The following GPC5 variants were observed in gnomAD, a reference collection of about 807,000 sequenced individuals.
GPC5 encodes glypican-5.
Under a neutral mutation model 53.9 loss-of-function variants are expected in GPC5, and 47 were observed. The observed-to-expected ratio is 0.87, with a 90% CI of 0.69 to 1.11. The LOEUF (loss-of-function observed/expected upper bound fraction) is 1.11. GPC5 is among the 50% of genes most tolerant of loss of function. The pLI is 0.00. For synonymous variants in GPC5, 286 were observed against 263.3 expected, an observed-to-expected ratio of 1.09 and a Z score of -0.84; for missense variants, 748 against 713.1, an observed-to-expected ratio of 1.05 and a Z score of -0.56.
intron 2 of GPC5, among the ~76,000 whole-genome samples, chr13:91,692,479 TA>T (rs1218039251): frequency 6.6e-6 from 1 of 152,176 alleles, no homozygotes; most frequent in Non-Finnish European, 1.5e-5. Context: ...ATTATAAAAA[TA>T]TAGCAGGTGG....
At chr13:92,613,396 TATA>T (rs1884530187) in intron 7 of GPC5, among the ~76,000 whole-genome samples, 1 of 70,632 alleles carries the variant, frequency 1.4e-5, no homozygotes, top group Non-Finnish European at 2.5e-5. Flanking sequence ...TATATATAAA[TATA>T]TATTATATTA....
At chr13:91,615,998 A>G (rs1419734459) in intron 2 of GPC5, among the ~76,000 whole-genome samples, 1 of 152,182 alleles carries the variant, frequency 6.6e-6, no homozygotes, top group Non-Finnish European at 1.5e-5. Flanking sequence ...CCAAGAGAGA[A>G]TTGATTGAAA....
At chr13:91,522,741 C>T (rs1401308670) in intron 2 of GPC5, among the ~76,000 whole-genome samples, 6 of 152,116 alleles carry the variant, frequency 3.9e-5, no homozygotes, top group Non-Finnish European at 7.4e-5. Context: ...GTTCAATTTC[C>T]GCCTATGAGT....
intron 7 of GPC5, among the ~76,000 whole-genome samples, chr13:92,161,694 C>A (rs28491123): frequency 0.05 from 7,641 of 151,536 alleles, 459 homozygotes; most frequent in African/African-American, 0.14. Flanking sequence ...TGTAATTTTG[C>A]GTGAAAATTA....
intron 2 of GPC5, among the ~76,000 whole-genome samples, chr13:91,566,757 A>G (rs1022467659): frequency 4.6e-5 from 7 of 152,160 alleles, no homozygotes; most frequent in African/African-American, 1.7e-4. Context: ...TCACTTTAGT[A>G]AAAGGAAAAG....
chr13:91,824,496 G>C lies in GPC5; in HGVS notation c.1280+68076G>C, dbSNP rs182310265. ...AGTGAAATGTGAAAGGCAGATTAAAGTTCCAGTACTGGCTGAGATAATTAA... is the reference window on the plus strand; with the variant it reads ...AGTGAAATGTGAAAGGCAGATTAAACTTCCAGTACTGGCTGAGATAATTAA... On this transcript the variant is annotated intron_variant, in intron 5 of 7. Transcript: ENST00000377067. 3.5e-3 allele frequency among the ~76,000 whole-genome samples: 527 copies of C among 152,190 alleles called. 2 individuals are homozygous for C. The highest frequency in any genetic ancestry group is 0.012 in the African/African-American group (503 of 41,574).
chr13:91,413,615 C>T (rs977307022), intron 1 of GPC5, among the ~76,000 whole-genome samples: 1 of 152,202 alleles, frequency 6.6e-6, no homozygotes, highest in African/African-American at 2.4e-5. Flanking sequence ...GAGATGAAGG[C>T]CTTGCCATCC....
intron 6 of GPC5, among the ~76,000 whole-genome samples, chr13:91,999,870 C>G (rs765640072): frequency 6.6e-6 from 1 of 152,132 alleles, no homozygotes; most frequent in African/African-American, 2.4e-5. Context: ...CTTTCTGCAT[C>G]TGCAGATAAG....
chr13:91,547,053 T>G (rs1419694877), intron 2 of GPC5, among the ~76,000 whole-genome samples: 1 of 152,074 alleles, frequency 6.6e-6, no homozygotes, highest in Non-Finnish European at 1.5e-5. Context: ...GAATCATAGG[T>G]TCTACATTGA....
At chr13:92,852,670 A>G (rs1235155458) in intron 7 of GPC5, among the ~76,000 whole-genome samples, 1 of 152,120 alleles carries the variant, frequency 6.6e-6, no homozygotes. Context: ...TCCAGGCCTC[A>G]AGTGATCTTC....
At chr13:92,086,475 T>A (rs1030949651) in intron 6 of GPC5, among the ~76,000 whole-genome samples, 1 of 152,224 alleles carries the variant, frequency 6.6e-6, no homozygotes, top group Non-Finnish European at 1.5e-5. Context: ...TGACATCTTC[T>A]GTAGCTATTC....
At chr13:91,937,118 T>C (rs1366285476) in intron 6 of GPC5, among the ~76,000 whole-genome samples, 1 of 152,046 alleles carries the variant, frequency 6.6e-6, no homozygotes, top group Non-Finnish European at 1.5e-5. Context: ...CTAATTTAAA[T>C]GACAAATCTT....
intron 2 of GPC5, among the ~76,000 whole-genome samples, chr13:91,520,706 A>ATG (rs376042025): frequency 4.0e-5 from 6 of 150,598 alleles, no homozygotes; most frequent in African/African-American, 9.9e-5. Flanking sequence ...ATGTATATAT[A>ATG]TGTGTGTGTG....
At chr13:92,374,413 T>G (rs2043675729) in intron 7 of GPC5, among the ~76,000 whole-genome samples, 1 of 152,114 alleles carries the variant, frequency 6.6e-6, no homozygotes, top group African/African-American at 2.4e-5. Context: ...ACTATCAACA[T>G]GATGTCACTG....
chr13:92,368,658 A>AAC (rs1566559859), intron 7 of GPC5, among the ~76,000 whole-genome samples: 1 of 151,042 alleles, frequency 6.6e-6, no homozygotes, highest in Non-Finnish European at 1.5e-5. Flanking sequence ...AAAAAAAAAA[A>AAC]AACCTGAAAG....
At position 92,056,253 on chromosome 13, in the gene GPC5, ACT is replaced by A. The variant is rs200972815; in HGVS notation, c.1402-88574_1402-88573del. Among the ~76,000 whole-genome samples the A allele has an allele frequency of 2.0e-5, 3 of 151,678 alleles. No homozygotes were observed. In the East Asian group the frequency reaches 5.8e-4, roughly 29 times the overall value. ...TCGGCTCCTGACCTCATCATTCAGA[ACT>A]CTGTTTCCATCATCTCAACCCCTTC... On this transcript the variant is annotated intron_variant, in intron 6 of 7. Coordinates refer to ENST00000377067, the MANE Select transcript of GPC5 (RefSeq NM_004466.6).
Position 92,004,458 on chromosome 13 carries a change from T to TTATATATA in GPC5, c.1401+96426_1401+96433dup, listed in dbSNP as rs58376767. Among the ~76,000 whole-genome samples, 179 of 82,474 alleles carry TTATATATA rather than the reference T, an allele frequency of 2.2e-3. 7 individuals are homozygous for TTATATATA. The highest frequency in any genetic ancestry group is 3.8e-3 in the South Asian group (11 of 2,860). 54.1% of individuals were successfully genotyped at this position (82,474 alleles called of 152,430 possible). On this transcript the variant is annotated intron_variant, in intron 6 of 7. Transcript: ENST00000377067. ...GACTCCGTCTCAAAAAAAAAAAAAA[T>TTATATATA]TATATATATATATATATATATATAT...
chr13:92,719,051 T>C (rs1301852764), intron 7 of GPC5, among the ~76,000 whole-genome samples: 2 of 151,978 alleles, frequency 1.3e-5, no homozygotes, highest in East Asian at 3.9e-4. Flanking sequence ...CATAAATATA[T>C]GTACCTACTA....
chr13:92,138,490 A>G (rs1224250339), intron 6 of GPC5, among the ~76,000 whole-genome samples: 1 of 151,988 alleles, frequency 6.6e-6, no homozygotes, highest in Non-Finnish European at 1.5e-5. Flanking sequence ...GCTGCGCTCC[A>G]GGCTGGGTGA....
Sources: allele counts gnomAD v4.1 joint callset (sites outside exome capture counted in the v4.1 genomes callset), GRCh38; gene constraint gnomAD v4.1.1; transcripts MANE v1.5; gene names NCBI Gene and HGNC (gene_info 2026-07-23, HGNC 2026-07-21).